The following ILRUN variants were observed in gnomAD, a reference collection of about 807,000 sequenced individuals.
ILRUN encodes protein ILRUN.
In ILRUN, 3 loss-of-function variants were observed where a neutral mutation model predicts 33.8. That is an observed-to-expected ratio of 0.09 (90% CI 0.04 to 0.23). The LOEUF (loss-of-function observed/expected upper bound fraction) is 0.23. Ranked by LOEUF, ILRUN falls within the 10% of genes least tolerant of loss-of-function variation. ILRUN has a pLI of 1.00. For missense variants in ILRUN, 210 were observed against 375.1 expected (o/e 0.56, Z 3.64); for synonymous variants, 124 against 138.9 (o/e 0.89, Z 0.75).
chr6:34,687,591 G>A (rs1433433675), intron 1 of ILRUN, among the ~76,000 whole-genome samples: 12 of 151,498 alleles, frequency 7.9e-5, no homozygotes, highest in African/African-American at 2.7e-4. Context: ...CCAGCTACTC[G>A]GGAGGCTGGG....
intron 4 of ILRUN, among the ~76,000 whole-genome samples, chr6:34,595,109 A>G (rs1342156973): frequency 6.6e-6 from 1 of 152,242 alleles, no homozygotes; most frequent in Non-Finnish European, 1.5e-5. Flanking sequence ...TTTAAGATCT[A>G]GTACTTATAA....
chr6:34,641,548 G>A (rs1445444566), intron 3 of ILRUN, among the ~76,000 whole-genome samples: 2 of 152,192 alleles, frequency 1.3e-5, no homozygotes, highest in African/African-American at 4.8e-5. Context: ...AGGAGGCCCA[G>A]AATTCAACGA....
intron 3 of ILRUN, among the ~76,000 whole-genome samples, chr6:34,635,503 C>G (rs2127351663): frequency 7.1e-6 from 1 of 140,856 alleles, no homozygotes; most frequent in South Asian, 2.5e-4. Flanking sequence ...ACTCCTCCAG[C>G]CTGGGCAACC....
intron 1 of ILRUN, among the ~76,000 whole-genome samples, chr6:34,664,419 C>CCTA (rs1310294333): frequency 6.6e-6 from 1 of 152,126 alleles, no homozygotes; most frequent in Non-Finnish European, 1.5e-5. Flanking sequence ...GTTCCTCTTG[C>CCTA]CTCAGCCTCC....
At chr6:34,635,295 C>T (rs911790188) in intron 3 of ILRUN, among the ~76,000 whole-genome samples, 11 of 151,888 alleles carry the variant, frequency 7.2e-5, no homozygotes, top group Non-Finnish European at 1.0e-4. Context: ...TCTGGGAGGC[C>T]GAGGCAGGTG....
chr6:34,650,684 C>A (rs1762647406), intron 2 of ILRUN, among the ~76,000 whole-genome samples: 1 of 151,996 alleles, frequency 6.6e-6, no homozygotes, highest in Non-Finnish European at 1.5e-5. Context: ...CTCCTGACCT[C>A]AGGTGATCTG....
rs535029130 is a variant in ILRUN at position 34,630,157 on chromosome 6, G to T, written c.511+16444C>A. Among the ~76,000 whole-genome samples, 5 of 152,298 alleles carry T rather than the reference G, an allele frequency of 3.3e-5. No individual in the cohort carries two copies. In the South Asian group the frequency reaches 1.0e-3, roughly 32 times the overall value. ...GATGGCTACTAAGTGACTAACAAGT[G>T]AATAGTGCATACACGTGGATATGCT... is the stretch of plus-strand genomic sequence containing the variant. On this transcript the variant is annotated intron_variant, in intron 3 of 4. Coordinates refer to ENST00000374023, the MANE Select transcript of ILRUN (RefSeq NM_024294.4).
At position 34,588,204 on chromosome 6, in the gene ILRUN, G is replaced by A. The variant is rs1264975028; in HGVS notation, c.*2361C>T. The A allele has an allele frequency of 7.5e-6, 3 of 398,646 alleles. No individual in the cohort carries two copies. The East Asian group carries it at 1.1e-4, about 14-fold the overall frequency. The allele number at this position is 398,646 out of a possible 1,614,324, so 24.7% of individuals were successfully genotyped here. ...AGGAGCTCATCTCGCCTCCAAGGATGTGCACAGAAATGGTTTGTTCTTGGG... is the reference window on the plus strand; with the variant it reads ...AGGAGCTCATCTCGCCTCCAAGGATATGCACAGAAATGGTTTGTTCTTGGG... On this transcript the variant is annotated 3_prime_UTR_variant, in exon 5 of 5. Coordinates refer to ENST00000374023, the MANE Select transcript of ILRUN (RefSeq NM_024294.4).
At position 34,690,878 on chromosome 6, in the gene ILRUN, C is replaced by T. The variant is rs1157321657; in HGVS notation, c.158+5568G>A. Among the ~76,000 whole-genome samples, 6 of 152,114 alleles carry T rather than the reference C, an allele frequency of 3.9e-5. No homozygotes were observed. The East Asian group carries it at 1.2e-3, about 29-fold the overall frequency. On this transcript the variant is annotated intron_variant, in intron 1 of 4. Coordinates refer to ENST00000374023, the MANE Select transcript of ILRUN (RefSeq NM_024294.4). ...AGGGATACAAGAATAGGACAGATGG[C>T]TATCTTAGAAGGGCTGGATGCAAAT... is the stretch of plus-strand genomic sequence containing the variant.
rs140209988 is a variant in ILRUN at position 34,635,864 on chromosome 6, C to T, written c.511+10737G>A. On this transcript the variant is annotated intron_variant, in intron 3 of 4. Transcript: ENST00000374023. ...CTTGAACTCCTGACCTCTGGTGATC[C>T]ACGCGCCTCAGCCTCCCAAAGTGCT... Among the ~76,000 whole-genome samples, 1,116 of 152,120 alleles carry T rather than the reference C, an allele frequency of 7.3e-3. 21 individuals are homozygous for T. Among genetic ancestry groups the T allele is most frequent in the African/African-American group, 0.026 (1,062 of 41,512 alleles).
In ILRUN at chr6:34,646,920, C is replaced by T; in HGVS notation, c.314-122G>A. ...TCACATACATACATAAACCTAACCA[C>T]ATATACCTAAGCCATATATTGTCTC... On this transcript the variant is annotated intron_variant, in intron 2 of 4. Transcript: ENST00000374023. This position sits in a 1 kb window ranked among gnomAD's most constrained non-coding sequence, Gnocchi z 4.9. 3 of 804,400 alleles carry T rather than the reference C, an allele frequency of 3.7e-6. No individual in the cohort carries two copies. The highest frequency in any genetic ancestry group is 6.1e-6 in the Non-Finnish European group (3 of 495,834). The allele number at this position is 804,400 out of a possible 1,614,324, so 49.8% of individuals were successfully genotyped here. A position where few individuals can be genotyped will look rare whatever the true frequency, so the allele number is the denominator to read the frequency against.
chr6:34,689,154 C>T (rs1256552128), intron 1 of ILRUN, among the ~76,000 whole-genome samples: 1 of 152,068 alleles, frequency 6.6e-6, no homozygotes, highest in African/African-American at 2.4e-5. Context: ...GCGCTAAACA[C>T]CACTGAACTG....
intron 3 of ILRUN, among the ~76,000 whole-genome samples, chr6:34,635,598 A>G (rs949214021): frequency 6.7e-6 from 1 of 149,414 alleles, no homozygotes; most frequent in Non-Finnish European, 1.5e-5. Flanking sequence ...GGAGGAAAAG[A>G]AACTCTTAGA....
At chr6:34,663,232 C>G (rs1165668261) in intron 1 of ILRUN, among the ~76,000 whole-genome samples, 1 of 151,980 alleles carries the variant, frequency 6.6e-6, no homozygotes, top group African/African-American at 2.4e-5. Flanking sequence ...GACCAGCCTG[C>G]GAAACAAAGT....
intron 1 of ILRUN, among the ~76,000 whole-genome samples, chr6:34,690,909 G>A (rs1763636164): frequency 6.6e-6 from 1 of 152,190 alleles, no homozygotes; most frequent in Non-Finnish European, 1.5e-5. Flanking sequence ...CAAATCTACA[G>A]GAAAAGTTGG....
chr6:34,687,241 A>G (rs1763540245), intron 1 of ILRUN: 1 of 152,240 alleles, frequency 6.6e-6, no homozygotes, highest in Admixed American at 6.5e-5. Flanking sequence ...TGGGGGAAAG[A>G]AAATGCACAA....
intron 1 of ILRUN, among the ~76,000 whole-genome samples, chr6:34,692,777 T>C (rs948838834): frequency 4.6e-5 from 7 of 152,168 alleles, no homozygotes; most frequent in African/African-American, 1.4e-4. Context: ...AATGTTTAAA[T>C]TGATCCTTTT....
rs150809447 is a variant in ILRUN at position 34,657,781 on chromosome 6, G to C, written c.159-3002C>G. On this transcript the variant is annotated intron_variant, in intron 1 of 4. Transcript: ENST00000374023. ...GCATAGACCAAACAGCTCCAATTCA[G>C]TGTCAGAAAGTAGACATGATAGCAG... 4.3e-3 allele frequency among the ~76,000 whole-genome samples: 658 copies of C among 152,286 alleles called. 8 individuals are homozygous for C. The highest frequency in any genetic ancestry group is 0.015 in the African/African-American group (622 of 41,562).
At chr6:34,627,901 G>A (rs183983970) in intron 3 of ILRUN, among the ~76,000 whole-genome samples, 20 of 151,684 alleles carry the variant, frequency 1.3e-4, no homozygotes, top group African/African-American at 2.2e-4. Context: ...ACAGGGTTTC[G>A]CCATGTCAGC....
Sources: gnomAD v4.1 joint callset for allele counts (sites outside exome capture counted in the v4.1 genomes callset) on GRCh38, gnomAD v4.1.1 for gene constraint, Gnocchi (gnomAD v3.1) non-coding constraint, MANE v1.5 for transcripts, NCBI Gene and HGNC (gene_info 2026-07-23, HGNC 2026-07-21) for gene names.